Variants in TAB3 observed in about 807,000 individuals in gnomAD.
TAB3 encodes TGF-beta-activated kinase 1 and MAP3K7-binding protein 3.
In TAB3, 18 loss-of-function variants were observed where a neutral mutation model predicts 48.1. That is an observed-to-expected ratio of 0.37 (90% CI 0.26 to 0.55). The LOEUF (loss-of-function observed/expected upper bound fraction) is 0.55. Among genes scored for constraint, TAB3 ranks in the 20% least tolerant of loss-of-function variants. The pLI, the probability that TAB3 is intolerant of heterozygous loss-of-function variation, is 0.78. For missense variants in TAB3, 414 were observed against 549.8 expected, an observed-to-expected ratio of 0.75 and a Z score of 2.47; for synonymous variants, 185 against 190.2, an observed-to-expected ratio of 0.97 and a Z score of 0.22.
intron 9 of TAB3, among the ~76,000 whole-genome samples, 186 bp downstream of exon 9, chrX:30,842,780 C>T (rs745970591): frequency 1.8e-5 from 2 of 111,240 alleles, no homozygotes; most frequent in Non-Finnish European, 3.8e-5. Context: ...GAGCCATGAT[C>T]ACACCACTGC....
At chrX:30,852,692 G>C (rs1347488742) in intron 7 of TAB3, 86 bp downstream of exon 7, 15 of 982,539 alleles carry the variant, frequency 1.5e-5, no homozygotes, top group Non-Finnish European at 2.0e-5. Flanking sequence ...CCGGAACTCT[G>C]CCAGGAATAA....
At chrX:30,882,763 T>C (rs55835208) in intron 1 of TAB3, among the ~76,000 whole-genome samples, 1 of 112,111 alleles carries the variant, frequency 8.9e-6, no homozygotes, top group African/African-American at 3.2e-5. Flanking sequence ...AAAAGGACAT[T>C]AGTGAGATTC....
chrX:30,871,491 C>CAGT (rs1201272440), intron 2 of TAB3, among the ~76,000 whole-genome samples: 2 of 111,796 alleles, frequency 1.8e-5, no homozygotes. Context: ...CTCCCACTAG[C>CAGT]AGTAGTAGTA....
intron 2 of TAB3, among the ~76,000 whole-genome samples, chrX:30,870,749 A>G (rs1342359440): frequency 8.9e-6 from 1 of 112,383 alleles, no homozygotes. Context: ...TGGTTGTCAT[A>G]CTGAGGAAAG....
chrX:30,874,949 G>C (rs1939781575), intron 1 of TAB3, among the ~76,000 whole-genome samples: 1 of 112,185 alleles, frequency 8.9e-6, no homozygotes, highest in African/African-American at 3.2e-5. Flanking sequence ...GTGTAGGGAT[G>C]AGAAAGGACT....
Position 30,829,359 on chromosome X carries a change from T to C in TAB3, c.*2068A>G, listed in dbSNP as rs1212633026. The C allele has an allele frequency of 2.7e-5, 3 of 112,033 alleles. No homozygotes were observed. In the East Asian group the frequency reaches 8.4e-4, roughly 31 times the overall value. 9.2% of individuals were successfully genotyped at this position (112,033 alleles called of 1,213,427 possible). On this transcript the variant is annotated 3_prime_UTR_variant, in exon 11 of 11. Coordinates refer to ENST00000288422, the MANE Select transcript of TAB3 (RefSeq NM_152787.5). ...TATGAATACTGGTAAACCTTTTAGC[T>C]AGGACACCAAGCAGTATATATATAT...
chrX:30,875,189 AAG>A (rs1939790633), intron 1 of TAB3, among the ~76,000 whole-genome samples: 1 of 112,534 alleles, frequency 8.9e-6, no homozygotes, highest in African/African-American at 3.2e-5. Flanking sequence ...ATATGCAGGC[AAG>A]AGTTACCTGG....
intron 1 of TAB3, among the ~76,000 whole-genome samples, chrX:30,879,286 G>A (rs935630157): frequency 9.0e-6 from 1 of 111,630 alleles, no homozygotes; most frequent in Non-Finnish European, 1.9e-5. Flanking sequence ...TCAAAAAGCA[G>A]GTATCTTCCT....
chrX:30,859,256 G>C (rs989164796), intron 5 of TAB3, among the ~76,000 whole-genome samples: 1 of 109,831 alleles, frequency 9.1e-6, no homozygotes, highest in African/African-American at 3.3e-5. Flanking sequence ...GGCCTCGGAT[G>C]CCTAGAACGT....
intron 8 of TAB3, chrX:30,845,237 TGG>T (rs1465076805): frequency 8.9e-6 from 1 of 112,359 alleles, no homozygotes; most frequent in African/African-American, 3.2e-5. Context: ...GTGTGGGGGA[TGG>T]GGGGCAGGAA....
At position 30,854,478 on chromosome X, in the gene TAB3, T is replaced by G. The variant is rs1200391159; in HGVS notation, c.1187A>C (p.Gln396Pro). The G allele has an allele frequency of 8.3e-7, 1 of 1,209,565 alleles. No homozygotes were observed. Among genetic ancestry groups the G allele is most frequent in the Non-Finnish European group, 1.1e-6 (1 of 895,073 alleles). ...CGTGGTGGCTGTGTACAGTGAGTGT[T>G]GATTCCGTGGAGATGGTTGATTACT... ...PISNQPSPRN[Q>P]HSLYTATTPP... Residue 396 changes from glutamine to proline, a missense_variant, in exon 6 of 11, where the codon CAA (glutamine) becomes CCA (proline). Physicochemically the swap from Gln to Pro is moderately conservative, Grantham distance 76 (BLOSUM62 -1). Transcript: ENST00000288422.
chrX:30,854,005 G>T, intron 6 of TAB3, 111 bp downstream of exon 6: 1 of 917,404 alleles, frequency 1.1e-6, no homozygotes, highest in Non-Finnish European at 1.5e-6. Context: ...CAATGCTACT[G>T]CCCAACATTT....
At chrX:30,881,673 T>C (rs1940003119) in intron 1 of TAB3, among the ~76,000 whole-genome samples, 1 of 110,766 alleles carries the variant, frequency 9.0e-6, no homozygotes, top group South Asian at 3.8e-4. Context: ...AACAAGAGGG[T>C]TTTTACATCT....
intron 5 of TAB3, among the ~76,000 whole-genome samples, chrX:30,857,541 A>G (rs1339482774): frequency 9.0e-6 from 1 of 111,279 alleles, no homozygotes; most frequent in Non-Finnish European, 1.9e-5. Context: ...TATTTTTATT[A>G]ATAACCCTGA....
chrX:30,832,510 T>C (rs1359789582), intron 10 of TAB3, among the ~76,000 whole-genome samples: 1 of 112,333 alleles, frequency 8.9e-6, no homozygotes, highest in Non-Finnish European at 1.9e-5. Context: ...CCTTTTTAAA[T>C]AGGTAACAAA....
At chrX:30,850,182 C>T (rs1474074644) in intron 7 of TAB3, among the ~76,000 whole-genome samples, 1 of 111,536 alleles carries the variant, frequency 9.0e-6, no homozygotes, top group African/African-American at 3.3e-5. Flanking sequence ...CTGCTGTGTA[C>T]TACAATTGTC....
chrX:30,861,599 T>C (rs1343057666), intron 4 of TAB3, among the ~76,000 whole-genome samples: 1 of 112,108 alleles, frequency 8.9e-6, no homozygotes, highest in Non-Finnish European at 1.9e-5. Flanking sequence ...TTTAACTTTT[T>C]TCTGAATGGG....
Position 30,842,077 on chromosome X carries a change from G to A in TAB3, c.1888+889C>T, listed in dbSNP as rs149432846. Among the ~76,000 whole-genome samples the A allele has an allele frequency of 3.9e-3, 441 of 112,765 alleles. 5 individuals are homozygous for A. Among genetic ancestry groups the A allele is most frequent in the African/African-American group, 0.013 (417 of 31,093 alleles). ...ATCCGTCTGGCTTAAATGACTGCACGTGTAAATTCAATTAAAATTAATTTT... is the reference window on the plus strand; with the variant it reads ...ATCCGTCTGGCTTAAATGACTGCACATGTAAATTCAATTAAAATTAATTTT... On this transcript the variant is annotated intron_variant, in intron 9 of 10. Transcript: ENST00000288422.
intron 7 of TAB3, among the ~76,000 whole-genome samples, chrX:30,847,418 A>G (rs1323741556): frequency 1.8e-5 from 2 of 108,828 alleles, no homozygotes; most frequent in East Asian, 2.8e-4. Flanking sequence ...ATGTGAAGAG[A>G]GTCCTAATCT....
Sources: allele counts gnomAD v4.1 joint callset (sites outside exome capture counted in the v4.1 genomes callset), GRCh38; gene constraint gnomAD v4.1.1; transcripts MANE v1.5; gene names NCBI Gene and HGNC (gene_info 2026-07-23, HGNC 2026-07-21).